NDE1: variants seen among roughly 807,000 people sequenced by gnomAD.
NDE1 encodes the protein nuclear distribution protein nudE homolog 1.
In NDE1, 28 loss-of-function variants were observed where a neutral mutation model predicts 43.4. That is an observed-to-expected ratio of 0.65 (90% CI 0.48 to 0.89). The LOEUF is 0.89. Among genes scored for constraint, NDE1 ranks in the 40% least tolerant of loss-of-function variants. The pLI, the probability that NDE1 is intolerant of heterozygous loss-of-function variation, is 0.00. For synonymous variants in NDE1, 184 were observed against 172.0 expected, an observed-to-expected ratio of 1.07 and a Z score of -0.55; for missense variants, 441 against 434.1, an observed-to-expected ratio of 1.02 and a Z score of -0.14.
chr16:15,670,057 T>C (rs1305604701), intron 3 of NDE1, among the ~76,000 whole-genome samples: 2 of 152,178 alleles, frequency 1.3e-5, no homozygotes, highest in Non-Finnish European at 2.9e-5. Context: ...TTCATAAACA[T>C]CCGACAGGCC....
chr16:15,717,061 G>T, intron 8 of NDE1: 1 of 1,444,614 alleles, frequency 6.9e-7, no homozygotes, highest in South Asian at 1.1e-5. Context: ...GATGCTGGAA[G>T]AGGTTCCCTG....
chr16:15,669,437 C>T (rs1297257902), intron 3 of NDE1, among the ~76,000 whole-genome samples: 2 of 150,800 alleles, frequency 1.3e-5, no homozygotes, highest in Non-Finnish European at 2.9e-5. Context: ...TCCCGGCTCA[C>T]TGCAACCTCC....
chr16:15,700,792 C>G (rs147989067), intron 8 of NDE1, among the ~76,000 whole-genome samples: 3 of 151,992 alleles, frequency 2.0e-5, no homozygotes, highest in East Asian at 1.9e-4. Context: ...CCCAAGTCTC[C>G]GTAAATGTGG....
At chr16:15,704,653 A>G (rs947054127) in intron 8 of NDE1, among the ~76,000 whole-genome samples, 1 of 152,186 alleles carries the variant, frequency 6.6e-6, no homozygotes, top group Non-Finnish European at 1.5e-5. Flanking sequence ...AGCCTTGAGA[A>G]GGACACAGAG....
At chr16:15,698,101 C>T (rs1202647703) in intron 8 of NDE1, among the ~76,000 whole-genome samples, 2 of 152,080 alleles carry the variant, frequency 1.3e-5, no homozygotes, top group African/African-American at 4.8e-5. Context: ...TGCAACCAGC[C>T]CTTTTTTTTC....
intron 1 of NDE1, among the ~76,000 whole-genome samples, chr16:15,653,685 G>A (rs1290704437): frequency 1.3e-5 from 2 of 149,360 alleles, no homozygotes; most frequent in East Asian, 1.9e-4. Context: ...TTTTTTGTTA[G>A]CTTTAATCAT....
At chr16:15,702,249 A>G (rs1480329589) in intron 8 of NDE1, 1 of 152,244 alleles carries the variant, frequency 6.6e-6, no homozygotes, top group Non-Finnish European at 1.5e-5. Flanking sequence ...TCAAGCTGAA[A>G]GAAGGACAGG....
rs139237029 is a variant in NDE1 at position 15,708,957 on chromosome 16, TTTTTA to T, written c.947+12102_947+12106del. 1,731 of 1,134,854 alleles carry T rather than the reference TTTTTA, an allele frequency of 1.5e-3. 19 individuals carry two copies. In the African/African-American group the frequency reaches 0.025, roughly 16 times the overall value. The allele number at this position is 1,134,854 out of a possible 1,614,324, so 70.3% of individuals were successfully genotyped here. A position where few individuals can be genotyped will look rare whatever the true frequency, so the allele number is the denominator to read the frequency against. On this transcript the variant is annotated intron_variant, in intron 8 of 8. Coordinates refer to ENST00000396354, the MANE Select transcript of NDE1 (RefSeq NM_017668.3). ...TCGATTTAATAATTAAAGGCACTCTTTTTTATTTTGAGATAGTCTCTGTCACCCAG... is the reference window on the plus strand; with the variant it reads ...TCGATTTAATAATTAAAGGCACTCTTTTTTGAGATAGTCTCTGTCACCCAG...
intron 5 of NDE1, 127 bp downstream of exon 5, chr16:15,687,638 T>A: frequency 1.1e-6 from 1 of 944,740 alleles, no homozygotes; most frequent in Non-Finnish European, 1.7e-6. Flanking sequence ...CCAGGTTGTC[T>A]AATCAGAGGG....
intron 8 of NDE1, chr16:15,713,297 AG>A (rs869260016): frequency 7.3e-6 from 1 of 136,354 alleles, no homozygotes; most frequent in Non-Finnish European, 1.7e-5. Flanking sequence ...TAGGATGATG[AG>A]GCAGTGGGAG....
chr16:15,677,758 A>G (rs931731161), intron 3 of NDE1, 43 bp from the exon 4 acceptor site: 3 of 1,612,604 alleles, frequency 1.9e-6, no homozygotes, highest in Middle Eastern at 3.3e-4. Flanking sequence ...TAGCCTTCTC[A>G]GAAGTCTTAA....
rs1216831741 is a variant in NDE1 at position 15,690,356 on chromosome 16, T to TTC, written c.524-787_524-786insCT. Among the ~76,000 whole-genome samples the TTC allele has an allele frequency of 5.5e-3, 450 of 81,350 alleles. 3 individuals carry two copies. Among genetic ancestry groups the TTC allele is most frequent in the South Asian group, 0.018 (38 of 2,130 alleles). The allele number at this position is 81,350 out of a possible 152,430, so 53.4% of individuals were successfully genotyped here. A position where few individuals can be genotyped will look rare whatever the true frequency, so the allele number is the denominator to read the frequency against. On this transcript the variant is annotated intron_variant, in intron 5 of 8. Coordinates refer to ENST00000396354, the MANE Select transcript of NDE1 (RefSeq NM_017668.3). ...ACTGGCCTTTTTTTTTTTTTTTCTT[T>TTC]TTTTTTTTTTTTTTTTTTTTTTTTT... is the stretch of plus-strand genomic sequence containing the variant.
At chr16:15,688,494 A>ATGG (rs1307065175) in intron 5 of NDE1, among the ~76,000 whole-genome samples, 1 of 151,176 alleles carries the variant, frequency 6.6e-6, no homozygotes, top group African/African-American at 2.4e-5. Context: ...ACATGAGGGT[A>ATGG]TGGTGGTGGG....
At chr16:15,721,547 C>T (rs1384845358) in intron 8 of NDE1, 1 of 1,614,196 alleles carries the variant, frequency 6.2e-7, no homozygotes, top group East Asian at 2.2e-5. Context: ...AGGGACAGGG[C>T]CTTGGTTTCC....
Position 15,691,208 on chromosome 16 carries a change from A to G in NDE1, c.588A>G (p.Ser196=). Residue 196 remains serine (S), a synonymous_variant, in exon 6 of 9, where the codon TCA becomes TCG. Coordinates refer to ENST00000396354, the MANE Select transcript of NDE1 (RefSeq NM_017668.3). ...QEKPRTPMPS[S]VEAERTDTAV... Reference sequence around the variant, plus strand: ...AACCCAGGACCCCCATGCCCAGCTCAGTGGAAGCTGAGAGGACAGACACAG... The same window carrying G: ...AACCCAGGACCCCCATGCCCAGCTCGGTGGAAGCTGAGAGGACAGACACAG... The G allele has an allele frequency of 6.2e-7, 1 of 1,614,072 alleles. No individual in the cohort carries two copies.
intron 8 of NDE1, among the ~76,000 whole-genome samples, chr16:15,721,949 G>T (rs938600484): frequency 6.6e-6 from 1 of 151,908 alleles, no homozygotes; most frequent in African/African-American, 2.4e-5. Context: ...CCTCCGCCTC[G>T]TGGGTTCAAG....
intron 8 of NDE1, among the ~76,000 whole-genome samples, chr16:15,711,774 C>G (rs2039811115): frequency 6.6e-6 from 1 of 152,152 alleles, no homozygotes. Context: ...CTCACTGTAA[C>G]CTGTGTCTCC....
chr16:15,655,176 C>T (rs1384260204), intron 1 of NDE1, among the ~76,000 whole-genome samples: 1 of 152,102 alleles, frequency 6.6e-6, no homozygotes, highest in Non-Finnish European at 1.5e-5. Context: ...CTCTACCACA[C>T]CTGGCTAATT....
At chr16:15,653,602 G>A (rs1434930330) in intron 1 of NDE1, among the ~76,000 whole-genome samples, 2 of 151,900 alleles carry the variant, frequency 1.3e-5, no homozygotes, top group Admixed American at 6.6e-5. Context: ...TCAGAGGAAA[G>A]CTGAAAGAGA....
Sources: allele counts gnomAD v4.1 joint callset (sites outside exome capture counted in the v4.1 genomes callset), GRCh38; gene constraint gnomAD v4.1.1; transcripts MANE v1.5; gene names NCBI Gene and HGNC (gene_info 2026-07-23, HGNC 2026-07-21).